JMJD1C: variants seen among roughly 807,000 people sequenced by gnomAD.
The protein encoded by JMJD1C is jumonji domain-containing protein 1C.
In JMJD1C, 31 loss-of-function variants were observed where a neutral mutation model predicts 245.3. That is an observed-to-expected ratio of 0.13 (90% CI 0.09 to 0.17). The LOEUF (loss-of-function observed/expected upper bound fraction) is 0.17, where lower values mean the gene tolerates loss of function less well. JMJD1C is among the 10% of genes least tolerant of loss of function. The pLI is 1.00. For missense variants in JMJD1C, 2,691 were observed against 3,000.2 expected, an observed-to-expected ratio of 0.90 and a Z score of 2.41; for synonymous variants, 1,057 against 1,017.4, an observed-to-expected ratio of 1.04 and a Z score of -0.74.
intron 2 of JMJD1C, chr10:63,269,188 A>C: frequency 9.1e-6 from 9 of 985,482 alleles, no homozygotes; most frequent in Non-Finnish European, 1.1e-5. Flanking sequence ...ACAGTGCAGT[A>C]GCTTCCAACA....
At chr10:63,492,127 G>A (rs2133220510) in intron 1 of JMJD1C, among the ~76,000 whole-genome samples, 1 of 152,260 alleles carries the variant, frequency 6.6e-6, no homozygotes, top group South Asian at 2.1e-4. Context: ...TCGACCTCCT[G>A]GGCTCAAGGG....
At chr10:63,186,461 C>G in intron 18 of JMJD1C, 78 bp from the exon 19 acceptor site, 1 of 1,211,414 alleles carries the variant, frequency 8.3e-7, no homozygotes, top group Non-Finnish European at 1.1e-6. Flanking sequence ...TTGTTTGAGA[C>G]AGAGTCTTGC....
chr10:63,454,505 C>A (rs1309349606), intron 1 of JMJD1C, among the ~76,000 whole-genome samples: 1 of 152,002 alleles, frequency 6.6e-6, no homozygotes, highest in Non-Finnish European at 1.5e-5. Flanking sequence ...CTCACGGCAA[C>A]CTCCACCTCC....
chr10:63,465,334 C>T, intron 1 of JMJD1C, 161 bp downstream of exon 1: 1 of 728,450 alleles, frequency 1.4e-6, no homozygotes, highest in South Asian at 1.9e-5. Context: ...GACGCAGGGA[C>T]CCAGGCAAGG....
chr10:63,204,255 A>G, intron 10 of JMJD1C: 1 of 985,380 alleles, frequency 1.0e-6, no homozygotes, highest in Non-Finnish European at 1.2e-6. Flanking sequence ...CAAATGGGTC[A>G]TAAAACAGCC....
At chr10:63,189,038 A>G (rs1388893101) in intron 18 of JMJD1C, 130 bp downstream of exon 18, 6 of 709,804 alleles carry the variant, frequency 8.5e-6, no homozygotes, top group Non-Finnish European at 8.7e-6. Context: ...GTACTTTTAT[A>G]TCTTATTGTC....
At chr10:63,383,950 T>C (rs952152845) in intron 1 of JMJD1C, among the ~76,000 whole-genome samples, 4 of 152,172 alleles carry the variant, frequency 2.6e-5, no homozygotes, top group Admixed American at 6.5e-5. Flanking sequence ...CATCAAAGAT[T>C]TCCCTAGGGC....
At chr10:63,351,291 T>C (rs1191175321) in intron 2 of JMJD1C, among the ~76,000 whole-genome samples, 3 of 151,988 alleles carry the variant, frequency 2.0e-5, no homozygotes, top group Admixed American at 6.6e-5. Context: ...ATTCACAATG[T>C]TGGCCAGGCT....
chr10:63,354,571 T>A (rs1325219092), intron 2 of JMJD1C, among the ~76,000 whole-genome samples: 1 of 152,060 alleles, frequency 6.6e-6, no homozygotes, highest in Non-Finnish European at 1.5e-5. Flanking sequence ...AACTTGTATA[T>A]TTTACTTTTT....
Position 63,311,773 on chromosome 10 carries a change from A to G in JMJD1C, c.334-47009T>C, listed in dbSNP as rs370988846. On this transcript the variant is annotated intron_variant, in intron 2 of 25. Coordinates refer to ENST00000399262, the MANE Select transcript of JMJD1C (RefSeq NM_032776.3). Reference sequence around the variant, plus strand: ...GAAACAACAAATTTAGACAGTGATTACTGATGGAGAAAGAGGAGAGCTGGA... The same window carrying G: ...GAAACAACAAATTTAGACAGTGATTGCTGATGGAGAAAGAGGAGAGCTGGA... 2.6e-5 allele frequency among the ~76,000 whole-genome samples: 4 copies of G among 152,328 alleles called. No homozygotes were observed. In the East Asian group the frequency reaches 7.7e-4, roughly 29 times the overall value.
intron 1 of JMJD1C, among the ~76,000 whole-genome samples, chr10:63,411,151 C>T (rs1026743537): frequency 1.3e-5 from 2 of 152,036 alleles, no homozygotes; most frequent in African/African-American, 2.4e-5. Context: ...ATATTAAGTT[C>T]AACAACAGGA....
In JMJD1C at chr10:63,202,461, T is replaced by C. The variant is rs1007713860; in HGVS notation, c.5075-1784A>G. 72 of 985,136 alleles carry C rather than the reference T, an allele frequency of 7.3e-5. No homozygotes were observed. In the East Asian group the frequency reaches 1.3e-3, roughly 17 times the overall value. 61.0% of individuals were successfully genotyped at this position (985,136 alleles called of 1,614,324 possible). A position where few individuals can be genotyped will look rare whatever the true frequency, so the allele number is the denominator to read the frequency against. ...TCATGCCCAATGTGTGGATCAGAGG[T>C]ACAGCTATTCTCCTGAGACTACGTA... On this transcript the variant is annotated intron_variant, in intron 10 of 25. Coordinates refer to ENST00000399262, the MANE Select transcript of JMJD1C (RefSeq NM_032776.3).
chr10:63,394,633 T>C (rs1373053959), intron 1 of JMJD1C, among the ~76,000 whole-genome samples: 4 of 151,532 alleles, frequency 2.6e-5, no homozygotes, highest in South Asian at 4.2e-4. Flanking sequence ...TCACCTGAGG[T>C]TGGGAGTTCG....
intron 24 of JMJD1C, among the ~76,000 whole-genome samples, chr10:63,172,282 AT>A (rs1842440664): frequency 6.6e-6 from 1 of 152,238 alleles, no homozygotes; most frequent in South Asian, 2.1e-4. Context: ...GTGTATAGAC[AT>A]AAAGTGGATT....
chr10:63,486,137 T>TAAAAAAAAAAA (rs1166721473), intron 1 of JMJD1C, among the ~76,000 whole-genome samples: 15 of 73,286 alleles, frequency 2.0e-4, no homozygotes, highest in African/African-American at 8.9e-4. Flanking sequence ...CAAGCAATTG[T>TAAAAAAAAAAA]AAAAAAAAAA....
At chr10:63,287,342 T>C (rs1404326595) in intron 2 of JMJD1C, among the ~76,000 whole-genome samples, 1 of 152,262 alleles carries the variant, frequency 6.6e-6, no homozygotes, top group Admixed American at 6.5e-5. Flanking sequence ...TTCTGTGGTA[T>C]GAAGGTTAAA....
At chr10:63,188,189 T>C (rs564700062) in intron 18 of JMJD1C, among the ~76,000 whole-genome samples, 3 of 152,304 alleles carry the variant, frequency 2.0e-5, no homozygotes, top group African/African-American at 7.2e-5. Context: ...CACATAATTA[T>C]GAAAACAATT....
intron 1 of JMJD1C, among the ~76,000 whole-genome samples, chr10:63,388,650 A>G (rs960044895): frequency 2.6e-5 from 4 of 152,162 alleles, no homozygotes; most frequent in African/African-American, 4.8e-5. Flanking sequence ...AGAAAGGAAC[A>G]ATGAATACAC....
At position 63,208,323 on chromosome 10, in the gene JMJD1C, T is replaced by C. The variant is rs780738874; in HGVS notation, c.3346A>G (p.Asn1116Asp). ...TTACTCTGTTTATCACCGTAAATAT[T>C]TGAAACTTCTTTGGATGGGTATGAT... is the stretch of plus-strand genomic sequence containing the variant. ...PRSYPSKEVS[N>D]IYGDKQSNAL... The change falls in exon 10 of 26, where the codon AAT becomes GAT. Residue 1116 changes from asparagine (N) to aspartate (D), a missense_variant. This residue lies in a region of JMJD1C where 1,562 missense variants were observed against 1,490.7 expected (regional missense o/e 1.05). Coordinates refer to ENST00000399262, the MANE Select transcript of JMJD1C (RefSeq NM_032776.3). 1.4e-5 allele frequency: 23 copies of C among 1,614,036 alleles called. No individual in the cohort carries two copies. The Admixed American group carries it at 1.7e-4, about 12-fold the overall frequency.
Sources: gnomAD v4.1 joint callset for allele counts (sites outside exome capture counted in the v4.1 genomes callset) on GRCh38, gnomAD v4.1.1 for gene constraint, gnomAD v4.1.1 regional missense constraint, MANE v1.5 for transcripts, NCBI Gene and HGNC (gene_info 2026-07-23, HGNC 2026-07-21) for gene names.